TIAM1: variants seen among roughly 807,000 people sequenced by gnomAD.
TIAM1 encodes the protein rho guanine nucleotide exchange factor TIAM1.
A neutral mutation model predicts 163.5 loss-of-function variants in TIAM1; 65 were observed. The ratio of observed to expected loss-of-function variants is 0.40; its 90% CI spans 0.33 to 0.49. The LOEUF is 0.49. Ranked by LOEUF, TIAM1 falls within the 20% of genes least tolerant of loss-of-function variation. TIAM1 has a pLI of 0.77. For missense variants in TIAM1, 1,789 were observed against 2,044.7 expected, an observed-to-expected ratio of 0.87 and a Z score of 2.41; for synonymous variants, 833 against 810.1, an observed-to-expected ratio of 1.03 and a Z score of -0.48.
intron 2 of TIAM1, among the ~76,000 whole-genome samples, chr21:31,366,648 G>A (rs1004799867): frequency 3.3e-5 from 5 of 152,166 alleles, no homozygotes; most frequent in African/African-American, 1.2e-4. Flanking sequence ...ACAGAGTCTT[G>A]CTCTGTCACC....
At chr21:31,142,630 CAAAAAAAAAAAAAAAAGAAA>C (rs1330358744) in intron 20 of TIAM1, among the ~76,000 whole-genome samples, 99 of 101,498 alleles carry the variant, frequency 9.8e-4, no homozygotes, top group African/African-American at 3.2e-3. Context: ...GACTCCGTCT[CAAAAAAAAAAAAAAAAGAAA>C]GAAAAAAAGA....
At chr21:31,326,574 C>G (rs1026318614) in intron 2 of TIAM1, among the ~76,000 whole-genome samples, 3 of 152,212 alleles carry the variant, frequency 2.0e-5, no homozygotes, top group Admixed American at 2.0e-4. Context: ...AAGGCTTCTG[C>G]AATGACAACA....
intron 2 of TIAM1, among the ~76,000 whole-genome samples, chr21:31,399,321 C>A (rs564454005): frequency 6.6e-6 from 1 of 151,778 alleles, no homozygotes; most frequent in Non-Finnish European, 1.5e-5. Context: ...TTAAATACTT[C>A]GTGCCATTTC....
At chr21:31,285,173 C>A (rs148481040) in intron 2 of TIAM1, among the ~76,000 whole-genome samples, 1 of 151,178 alleles carries the variant, frequency 6.6e-6, no homozygotes, top group African/African-American at 2.5e-5. Flanking sequence ...GCTATGATTT[C>A]ATTCCCCAAG....
chr21:31,536,158 G>C (rs911818865), intron 1 of TIAM1, among the ~76,000 whole-genome samples: 3 of 152,202 alleles, frequency 2.0e-5, no homozygotes, highest in African/African-American at 7.2e-5. Context: ...AGCATCTACA[G>C]GAATCGGCTC....
At chr21:31,195,412 T>TGA (rs1452525070) in intron 12 of TIAM1, 107 bp from the exon 13 acceptor site, 1 of 776,232 alleles carries the variant, frequency 1.3e-6, no homozygotes, top group Admixed American at 2.6e-5. Flanking sequence ...TTACGTGAAT[T>TGA]TGCACTTCAC....
At chr21:31,378,311 T>C (rs549402840) in intron 2 of TIAM1, among the ~76,000 whole-genome samples, 11 of 152,294 alleles carry the variant, frequency 7.2e-5, no homozygotes, top group African/African-American at 2.2e-4. Flanking sequence ...AGGCACCTTA[T>C]GTCTTCAAAA....
chr21:31,384,787 G>C (rs577334307), intron 2 of TIAM1, among the ~76,000 whole-genome samples: 2 of 152,146 alleles, frequency 1.3e-5, no homozygotes, highest in Non-Finnish European at 1.5e-5. Flanking sequence ...AATGGAACAG[G>C]AAACCATTTT....
intron 1 of TIAM1, among the ~76,000 whole-genome samples, chr21:31,526,363 C>T (rs546160806): frequency 1.3e-4 from 20 of 152,296 alleles, no homozygotes; most frequent in Non-Finnish European, 2.1e-4. Flanking sequence ...AGTGCATGCA[C>T]GGCGGAAACT....
upstream of TIAM1, among the ~76,000 whole-genome samples, chr21:31,345,137 G>C (rs527970920): frequency 6.6e-6 from 1 of 152,106 alleles, no homozygotes; most frequent in Non-Finnish European, 1.5e-5. Context: ...AGAAGAAAAC[G>C]GTAAATCTGA....
At chr21:31,410,151 A>G (rs571379468) in intron 2 of TIAM1, among the ~76,000 whole-genome samples, 6 of 151,498 alleles carry the variant, frequency 4.0e-5, no homozygotes, top group African/African-American at 7.3e-5. Context: ...CATGTGAAAG[A>G]GCATATATGT....
chr21:31,120,076 G>C lies in TIAM1; in HGVS notation c.*292C>G, dbSNP rs1016298762. On this transcript the variant is annotated 3_prime_UTR_variant, in exon 28 of 28. Transcript: ENST00000541036. This position sits in a 1 kb window ranked among gnomAD's most constrained non-coding sequence, Gnocchi z 4.2. ...GGGTGATTTGCTTTCCAGTGCTATA[G>C]AATCTTTTTTCTTTTAATTGTTCAG... 9.7e-6 allele frequency: 3 copies of C among 309,482 alleles called. No homozygotes were observed. Among genetic ancestry groups the C allele is most frequent in the African/African-American group, 6.5e-5 (3 of 46,466 alleles). 19.2% of individuals were successfully genotyped at this position (309,482 alleles called of 1,614,324 possible).
intron 2 of TIAM1, among the ~76,000 whole-genome samples, chr21:31,323,785 C>T (rs1250189037): frequency 6.6e-6 from 1 of 151,920 alleles, no homozygotes; most frequent in Non-Finnish European, 1.5e-5. Flanking sequence ...GAGCCGGGAT[C>T]GCGCCATTGC....
At chr21:31,131,708 G>A (rs1441153623) in intron 23 of TIAM1, among the ~76,000 whole-genome samples, 2 of 152,178 alleles carry the variant, frequency 1.3e-5, no homozygotes, top group African/African-American at 2.4e-5. Flanking sequence ...CTGTGTCAGC[G>A]TCTCTGCTAT....
At chr21:31,346,045 T>TAA (rs2076141994), upstream of TIAM1, among the ~76,000 whole-genome samples, 4 of 151,750 alleles carry the variant, frequency 2.6e-5, no homozygotes, top group East Asian at 7.7e-4. Flanking sequence ...GGGGAACATT[T>TAA]GGCAATATCT....
chr21:31,319,825 C>G (rs925581984), intron 2 of TIAM1, among the ~76,000 whole-genome samples: 82 of 150,228 alleles, frequency 5.5e-4, no homozygotes, highest in Admixed American at 4.4e-3. Flanking sequence ...TTCTAGTGAG[C>G]ATAAGGTGGT....
intron 1 of TIAM1, among the ~76,000 whole-genome samples, chr21:31,556,535 GT>G (rs61076252): frequency 0.025 from 3,727 of 148,944 alleles, 151 homozygotes; most frequent in African/African-American, 0.087. Context: ...AAAACAGGAA[GT>G]TTTTTTTTTT....
At chr21:31,197,865 A>G (rs980916572) in intron 12 of TIAM1, among the ~76,000 whole-genome samples, 3 of 152,140 alleles carry the variant, frequency 2.0e-5, no homozygotes, top group Non-Finnish European at 4.4e-5. Flanking sequence ...TTATGAACCC[A>G]GGTCTCACTG....
intron 6 of TIAM1, 94 bp from the exon 7 acceptor site, chr21:31,226,044 G>T: frequency 1.8e-6 from 2 of 1,115,424 alleles, no homozygotes; most frequent in Non-Finnish European, 2.6e-6. Flanking sequence ...ATGCCTGGGA[G>T]TCGAGGTGAC....
Sources: allele counts gnomAD v4.1 joint callset (sites outside exome capture counted in the v4.1 genomes callset), GRCh38; gene constraint gnomAD v4.1.1; non-coding constraint Gnocchi (gnomAD v3.1); transcripts MANE v1.5; gene names NCBI Gene and HGNC (gene_info 2026-07-23, HGNC 2026-07-21).